The following CMTM4 variants were observed in gnomAD, a reference collection of about 807,000 sequenced individuals.
CMTM4 encodes CKLF like MARVEL transmembrane domain containing 4, also known as CKLF-like MARVEL transmembrane domain-containing protein 4.
A neutral mutation model predicts 19.0 loss-of-function variants in CMTM4; 8 were observed. The ratio of observed to expected loss-of-function variants is 0.42; its 90% confidence interval spans 0.25 to 0.76. The LOEUF (loss-of-function observed/expected upper bound fraction) is 0.76. Among genes scored for constraint, CMTM4 ranks in the 30% least tolerant of loss-of-function variants. CMTM4 has a pLI of 0.27. For synonymous variants in CMTM4, 106 were observed against 121.1 expected, an observed-to-expected ratio of 0.88 and a Z score of 0.82; for missense variants, 228 against 290.2, an observed-to-expected ratio of 0.79 and a Z score of 1.56.
intron 1 of CMTM4, among the ~76,000 whole-genome samples, chr16:66,664,668 T>C (rs2016559909): frequency 6.6e-6 from 1 of 151,012 alleles, no homozygotes; most frequent in Admixed American, 6.6e-5. Context: ...AAAAACTATA[T>C]AAAGAGATAC....
intron 1 of CMTM4, among the ~76,000 whole-genome samples, chr16:66,687,138 CTTTTTT>C (rs35098269): frequency 7.6e-6 from 1 of 131,304 alleles, no homozygotes; most frequent in Non-Finnish European, 1.6e-5. Context: ...GTGCAGAATG[CTTTTTT>C]TTTTTTTTTT....
intron 1 of CMTM4, among the ~76,000 whole-genome samples, chr16:66,670,439 CAAAAA>C (rs35296025): frequency 1.1e-5 from 1 of 91,384 alleles, no homozygotes. Flanking sequence ...GACTCTGTCT[CAAAAA>C]AAAAAAAAAA....
chr16:66,619,436 C>T lies in CMTM4; in HGVS notation c.*2622G>A. On this transcript the variant is annotated 3_prime_UTR_variant, in exon 4 of 4. Coordinates refer to ENST00000394106, the MANE Select transcript of CMTM4 (RefSeq NM_181521.3). ...GAAAACCAATATCGTCCCACCAGAA[C>T]ACTGAGAAAAACTAAGGTCGCTCAG... is the stretch of plus-strand genomic sequence containing the variant. The T allele has an allele frequency of 1.0e-6, 1 of 985,480 alleles. No individual in the cohort carries two copies. The allele number at this position is 985,480 out of a possible 1,614,324, so 61.0% of individuals were successfully genotyped here. A position where few individuals can be genotyped will look rare whatever the true frequency, so the allele number is the denominator to read the frequency against.
At chr16:66,695,205 G>A (rs2017209149) in intron 1 of CMTM4, among the ~76,000 whole-genome samples, 1 of 152,008 alleles carries the variant, frequency 6.6e-6, no homozygotes, top group African/African-American at 2.4e-5. Flanking sequence ...AAATTAACCC[G>A]GCATGGTGGA....
Position 66,619,064 on chromosome 16 carries a change from C to T in CMTM4, c.*2994G>A, listed in dbSNP as rs1161411914. ...TTTACTTCAAATCAAACTTCTCTGACGAGATTTTAATCTGAAACTGCATCT... is the reference window on the plus strand; with the variant it reads ...TTTACTTCAAATCAAACTTCTCTGATGAGATTTTAATCTGAAACTGCATCT... On this transcript the variant is annotated 3_prime_UTR_variant, in exon 4 of 4. Transcript: ENST00000394106. 4.4e-5 allele frequency: 43 copies of T among 985,348 alleles called. No individual in the cohort carries two copies. Among genetic ancestry groups the T allele is most frequent in the African/African-American group, 7.0e-5 (4 of 57,250 alleles). 61.0% of individuals were successfully genotyped at this position (985,348 alleles called of 1,614,324 possible).
chr16:66,605,017 C>T, the CMTM4 span: 26 of 1,335,734 alleles, frequency 1.9e-5, no homozygotes, highest in Non-Finnish European at 2.4e-5. This position sits in a 1 kb window ranked among gnomAD's most constrained non-coding sequence, Gnocchi z 4.6. Context: ...AGGAGGACGT[C>T]GGGGCGCGGG....
At chr16:66,626,263 C>T (rs560487631) in intron 2 of CMTM4, among the ~76,000 whole-genome samples, 162 of 152,108 alleles carry the variant, frequency 1.1e-3, no homozygotes, top group African/African-American at 3.6e-3. Flanking sequence ...GGTGAAACCC[C>T]GTCTCTACTA....
Position 66,622,260 on chromosome 16 carries a change from G to T in CMTM4, c.463-38C>A. 1 of 1,604,362 alleles carries T rather than the reference G, an allele frequency of 6.2e-7. No homozygotes were observed. Among genetic ancestry groups the T allele is most frequent in the Non-Finnish European group, 8.5e-7 (1 of 1,175,412 alleles). On this transcript the variant is annotated intron_variant, in intron 3 of 3. Coordinates refer to ENST00000394106, the MANE Select transcript of CMTM4 (RefSeq NM_181521.3). This position sits in a 1 kb window ranked among gnomAD's most constrained non-coding sequence, Gnocchi z 4.0. ...CAGCACAGTTAGTCCTCGGGCACGT[G>T]GCCTGGCCCCTCAAGGCTTCTGTGG...
the CMTM4 span, chr16:66,608,495 G>C: frequency 6.2e-7 from 1 of 1,610,210 alleles, no homozygotes; most frequent in Non-Finnish European, 8.5e-7. The surrounding 1 kb of genome is among the most constrained non-coding windows in gnomAD (Gnocchi z 5.1). Context: ...AGGGAGGGGT[G>C]CCCTGCACAA....
the CMTM4 span, among the ~76,000 whole-genome samples, chr16:66,598,355 C>A: frequency 6.6e-6 from 1 of 152,058 alleles, no homozygotes; most frequent in Non-Finnish European, 1.5e-5. Flanking sequence ...AACTTATATA[C>A]AGGCACCCAC....
chr16:66,630,485 C>G (rs1234849287), intron 2 of CMTM4, among the ~76,000 whole-genome samples: 1 of 151,802 alleles, frequency 6.6e-6, no homozygotes, highest in Non-Finnish European at 1.5e-5. Flanking sequence ...ATTGCAGGCG[C>G]GCGCCGCCAC....
intron 2 of CMTM4, among the ~76,000 whole-genome samples, chr16:66,626,794 G>GCA (rs2144790129): frequency 6.6e-6 from 1 of 151,456 alleles, no homozygotes; most frequent in Non-Finnish European, 1.5e-5. Context: ...AGAAAAAAAA[G>GCA]GAAAAAAAAG....
chr16:66,608,458 CA>C, the CMTM4 span: 5 of 1,613,934 alleles, frequency 3.1e-6, no homozygotes, highest in South Asian at 5.5e-5. The surrounding 1 kb of genome is among the most constrained non-coding windows in gnomAD (Gnocchi z 5.1). Flanking sequence ...TGTGCTGGCC[CA>C]TGATGGTGAG....
intron 2 of CMTM4, among the ~76,000 whole-genome samples, chr16:66,625,295 G>A (rs1340590888): frequency 6.6e-6 from 1 of 151,932 alleles, no homozygotes; most frequent in Non-Finnish European, 1.5e-5. Flanking sequence ...TTAGCCGGGT[G>A]TGGTGGCACA....
chr16:66,646,799 T>C (rs981998732), intron 1 of CMTM4, among the ~76,000 whole-genome samples: 1 of 151,576 alleles, frequency 6.6e-6, no homozygotes, highest in African/African-American at 2.4e-5. Flanking sequence ...CTCCACCTCC[T>C]GGGTTCAAAC....
At chr16:66,643,822 C>T (rs1222028132) in intron 1 of CMTM4, among the ~76,000 whole-genome samples, 2 of 152,184 alleles carry the variant, frequency 1.3e-5, no homozygotes, top group Non-Finnish European at 1.5e-5. Flanking sequence ...GGCATGATCT[C>T]GGCTCACCGC....
intron 1 of CMTM4, among the ~76,000 whole-genome samples, chr16:66,650,228 G>C (rs925360447): frequency 6.6e-6 from 1 of 152,106 alleles, no homozygotes; most frequent in African/African-American, 2.4e-5. Flanking sequence ...TGGGTGGAAG[G>C]TTGGGATACA....
intron 1 of CMTM4, among the ~76,000 whole-genome samples, chr16:66,669,804 A>G (rs1050021486): frequency 1.6e-4 from 25 of 152,082 alleles, no homozygotes; most frequent in Admixed American, 1.2e-3. Flanking sequence ...TCGGCCTCCC[A>G]AAGTGCTGGG....
intron 1 of CMTM4, among the ~76,000 whole-genome samples, chr16:66,669,399 C>T (rs955657520): frequency 1.4e-5 from 2 of 147,924 alleles, no homozygotes; most frequent in Admixed American, 1.4e-4. Context: ...AGTGGCTACA[C>T]GAATATATGT....
Sources: gnomAD v4.1 joint callset for allele counts (sites outside exome capture counted in the v4.1 genomes callset) on GRCh38, gnomAD v4.1.1 for gene constraint, Gnocchi (gnomAD v3.1) non-coding constraint, MANE v1.5 for transcripts, NCBI Gene and HGNC (gene_info 2026-07-23, HGNC 2026-07-21) for gene names.